Variants in GFPT2 observed in about 807,000 individuals in gnomAD.
GFPT2 encodes glutamine--fructose-6-phosphate transaminase 2, also known as glutamine--fructose-6-phosphate aminotransferase [isomerizing] 2.
GFPT2 carries 62 observed loss-of-function variants against 85.6 expected under a neutral mutation model. That is an observed-to-expected ratio of 0.72 (90% CI 0.59 to 0.90). The LOEUF (loss-of-function observed/expected upper bound fraction) is 0.90. GFPT2 is among the 40% of genes least tolerant of loss of function. The pLI, the probability that GFPT2 is intolerant of heterozygous loss-of-function variation, is 0.00. For synonymous variants in GFPT2, 368 were observed against 344.5 expected, an observed-to-expected ratio of 1.07 and a Z score of -0.75; for missense variants, 788 against 893.4, an observed-to-expected ratio of 0.88 and a Z score of 1.50.
intron 4 of GFPT2, among the ~76,000 whole-genome samples, chr5:180,333,403 T>G (rs976929921): frequency 1.3e-5 from 2 of 151,566 alleles, no homozygotes; most frequent in Non-Finnish European, 2.9e-5. Context: ...CCTGGCTAAT[T>G]TTTTGTATTT....
At chr5:180,350,323 C>G (rs1400130166) in intron 1 of GFPT2, among the ~76,000 whole-genome samples, 1 of 152,216 alleles carries the variant, frequency 6.6e-6, no homozygotes, top group African/African-American at 2.4e-5. Flanking sequence ...TGTGAAATCT[C>G]CCAATTTTGT....
chr5:180,350,870 C>T (rs1764698459), intron 1 of GFPT2, among the ~76,000 whole-genome samples: 1 of 152,190 alleles, frequency 6.6e-6, no homozygotes, highest in Admixed American at 6.5e-5. Context: ...TCAGCAGTGT[C>T]ATCAGCCAAG....
chr5:180,345,623 C>A (rs1764591889), intron 1 of GFPT2, among the ~76,000 whole-genome samples: 2 of 152,250 alleles, frequency 1.3e-5, no homozygotes, highest in African/African-American at 2.4e-5. Flanking sequence ...TTCTTCGGCT[C>A]CCCGCTGGAT....
In GFPT2 at chr5:180,316,322, C is replaced by A; in HGVS notation, c.1273+19G>T. 1 of 1,613,766 alleles carries A rather than the reference C, an allele frequency of 6.2e-7. No homozygotes were observed. Among genetic ancestry groups the A allele is most frequent in the Non-Finnish European group, 8.5e-7 (1 of 1,179,764 alleles). ...AGCTGACCTGATGCAAGGCTGGCCACAATGCCTGTGTCCCTTACCTGACTG... is the reference window on the plus strand; with the variant it reads ...AGCTGACCTGATGCAAGGCTGGCCAAAATGCCTGTGTCCCTTACCTGACTG... On this transcript the variant is annotated intron_variant, in intron 13 of 18. Coordinates refer to ENST00000253778, the MANE Select transcript of GFPT2 (RefSeq NM_005110.4).
chr5:180,330,968 A>G lies in GFPT2; in HGVS notation c.400-134T>C. 2.6e-6 allele frequency: 2 copies of G among 777,210 alleles called. No individual in the cohort carries two copies. Among genetic ancestry groups the G allele is most frequent in the Non-Finnish European group, 4.1e-6 (2 of 491,626 alleles). The allele number at this position is 777,210 out of a possible 1,614,324, so 48.1% of individuals were successfully genotyped here. Reference sequence around the variant, plus strand: ...AACAGGGAAAACCGGGAAGGGGGGAAAAATGTTTGCCAGCATCACAGCCAA... The same window carrying G: ...AACAGGGAAAACCGGGAAGGGGGGAGAAATGTTTGCCAGCATCACAGCCAA... On this transcript the variant is annotated intron_variant, in intron 5 of 18. Coordinates refer to ENST00000253778, the MANE Select transcript of GFPT2 (RefSeq NM_005110.4). The surrounding 1 kb of genome is among the most constrained non-coding windows in gnomAD (Gnocchi z 4.4).
intron 1 of GFPT2, among the ~76,000 whole-genome samples, chr5:180,340,449 G>T (rs1388627272): frequency 6.7e-6 from 1 of 150,140 alleles, no homozygotes; most frequent in Admixed American, 6.7e-5. Flanking sequence ...CAGGTCATCC[G>T]CCCGCCTCGG....
At chr5:180,306,927 C>T (rs946684798) in intron 16 of GFPT2, among the ~76,000 whole-genome samples, 11 of 152,202 alleles carry the variant, frequency 7.2e-5, no homozygotes, top group African/African-American at 2.4e-4. Flanking sequence ...ACACCCCAGG[C>T]GCCCTGTCCC....
rs758300401 is a variant in GFPT2 at position 180,328,288 on chromosome 5, G to A, written c.585C>T (p.Ala195=). The A allele has an allele frequency of 1.3e-5, 21 of 1,611,318 alleles. No homozygotes were observed. In the Middle Eastern group the frequency reaches 4.9e-4, roughly 38 times the overall value. ...VFKSVHYPGE[A]VATRRGSPLL... is the part of the protein sequence containing the mutation. Reference sequence around the variant, plus strand: ...GTGTTTTGCCTCACCGTGTGGCAACGGCTTCTCCTGGGTAGTGGACACTCT... The same window carrying A: ...GTGTTTTGCCTCACCGTGTGGCAACAGCTTCTCCTGGGTAGTGGACACTCT... Residue 195 remains alanine, a synonymous_variant, in exon 7 of 19, where the codon GCC becomes GCT. Transcript: ENST00000253778. This position sits in a 1 kb window ranked among gnomAD's most constrained non-coding sequence, Gnocchi z 5.4.
intron 4 of GFPT2, among the ~76,000 whole-genome samples, chr5:180,333,353 G>A (rs1184485334): frequency 1.3e-5 from 2 of 151,836 alleles, no homozygotes; most frequent in South Asian, 2.1e-4. Flanking sequence ...TCCTGCCTCC[G>A]CCTCCCGAGT....
chr5:180,324,734 G>A (rs767953339), intron 8 of GFPT2, 82 bp downstream of exon 8: 16 of 906,192 alleles, frequency 1.8e-5, no homozygotes, highest in Non-Finnish European at 2.6e-5. Context: ...TTGCCTCAGA[G>A]GGGAGCTGAC....
chr5:180,345,323 C>A (rs1764585089), intron 1 of GFPT2, among the ~76,000 whole-genome samples: 1 of 152,278 alleles, frequency 6.6e-6, no homozygotes, highest in Non-Finnish European at 1.5e-5. Flanking sequence ...GCCCACAAGG[C>A]CGCGTTGCTG....
At chr5:180,343,661 C>T (rs563196202) in intron 1 of GFPT2, among the ~76,000 whole-genome samples, 97 of 152,370 alleles carry the variant, frequency 6.4e-4, no homozygotes, top group Non-Finnish European at 9.1e-4. Context: ...ATAGCGTTCA[C>T]GCTGTGCTCT....
Position 180,318,581 on chromosome 5 carries a change from G to A in GFPT2, c.958+212C>T, listed in dbSNP as rs1764057106. 5 of 561,864 alleles carry A rather than the reference G, an allele frequency of 8.9e-6. No individual in the cohort carries two copies. Among genetic ancestry groups the A allele is most frequent in the Non-Finnish European group, 1.6e-5 (5 of 312,912 alleles). The allele number at this position is 561,864 out of a possible 1,614,324, so 34.8% of individuals were successfully genotyped here. A position where few individuals can be genotyped will look rare whatever the true frequency, so the allele number is the denominator to read the frequency against. On this transcript the variant is annotated intron_variant, in intron 10 of 18. Coordinates refer to ENST00000253778, the MANE Select transcript of GFPT2 (RefSeq NM_005110.4). This position sits in a 1 kb window ranked among gnomAD's most constrained non-coding sequence, Gnocchi z 4.2. Reference sequence around the variant, plus strand: ...TTCCAGTAGGAAAGACCTGGCGGCTGGCTGCACACAGGAGCCCCCGCTTGG... The same window carrying A: ...TTCCAGTAGGAAAGACCTGGCGGCTAGCTGCACACAGGAGCCCCCGCTTGG...
chr5:180,324,328 G>T, intron 8 of GFPT2, 23 bp from the exon 9 acceptor site: 1 of 1,283,122 alleles, frequency 7.8e-7, no homozygotes, highest in Non-Finnish European at 1.1e-6. Flanking sequence ...GGAATGGGTT[G>T]CAAATCCCAC....
At chr5:180,348,959 C>T (rs917226304) in intron 1 of GFPT2, among the ~76,000 whole-genome samples, 6 of 151,356 alleles carry the variant, frequency 4.0e-5, no homozygotes, top group African/African-American at 1.5e-4. Flanking sequence ...CCAGGATGGT[C>T]TCGATCTCCT....
At chr5:180,322,318 A>G (rs552835854) in intron 9 of GFPT2, among the ~76,000 whole-genome samples, 34 of 152,144 alleles carry the variant, frequency 2.2e-4, no homozygotes, top group Middle Eastern at 6.8e-3. Context: ...AGAAAAGAAT[A>G]GTAAGCCTTC....
chr5:180,301,494 A>G lies in GFPT2; in HGVS notation c.*70T>C, dbSNP rs1763670860. On this transcript the variant is annotated 3_prime_UTR_variant, in exon 19 of 19. Transcript: ENST00000253778. ...GGGATGTCCACTTCTCTTCCCATGTAGCATCCCTGCTGTTGGGACAGGTCT... is the reference window on the plus strand; with the variant it reads ...GGGATGTCCACTTCTCTTCCCATGTGGCATCCCTGCTGTTGGGACAGGTCT... 1 of 1,262,526 alleles carries G rather than the reference A, an allele frequency of 7.9e-7. No individual in the cohort carries two copies. Among genetic ancestry groups the G allele is most frequent in the Admixed American group, 1.7e-5 (1 of 59,328 alleles). The allele number at this position is 1,262,526 out of a possible 1,614,324, so 78.2% of individuals were successfully genotyped here.
In GFPT2 at chr5:180,304,672, G is replaced by A. The variant is rs530757899; in HGVS notation, c.1842+100C>T. The stretch of plus-strand genomic sequence containing the variant: ...GGGTGTGTGGTCACAGCCACTCACT[G>A]GCCAGACCATCCATCACTGGTACTG... On this transcript the variant is annotated intron_variant, in intron 17 of 18. Transcript: ENST00000253778. The A allele has an allele frequency of 1.9e-5, 21 of 1,124,370 alleles. No individual in the cohort carries two copies. In the East Asian group the frequency reaches 1.9e-4, roughly 10 times the overall value. The allele number at this position is 1,124,370 out of a possible 1,614,324, so 69.6% of individuals were successfully genotyped here. A position where few individuals can be genotyped will look rare whatever the true frequency, so the allele number is the denominator to read the frequency against.
At chr5:180,317,619 C>T (rs970886618) in intron 10 of GFPT2, among the ~76,000 whole-genome samples, 5 of 146,382 alleles carry the variant, frequency 3.4e-5, no homozygotes, top group Non-Finnish European at 7.4e-5. Context: ...ATTAGCCGGG[C>T]GTAGTGGCGG....
Sources: allele counts gnomAD v4.1 joint callset (sites outside exome capture counted in the v4.1 genomes callset), GRCh38; gene constraint gnomAD v4.1.1; non-coding constraint Gnocchi (gnomAD v3.1); transcripts MANE v1.5; gene names NCBI Gene and HGNC (gene_info 2026-07-23, HGNC 2026-07-21).